Variants in NGLY1 observed in about 807,000 individuals in gnomAD.
NGLY1 encodes the protein peptide-N(4)-(N-acetyl-beta-glucosaminyl)asparagine amidase.
A neutral mutation model predicts 84.6 loss-of-function variants in NGLY1; 68 were observed. That is an observed-to-expected ratio of 0.80 (90% confidence interval 0.66 to 0.98). The LOEUF is 0.98. Ranked by LOEUF, NGLY1 falls within the 50% of genes least tolerant of loss-of-function variation. NGLY1 has a pLI of 0.00. For missense variants in NGLY1, 779 were observed against 770.2 expected (o/e 1.01, Z -0.14); for synonymous variants, 280 against 275.2 (o/e 1.02, Z -0.17).
intron 10 of NGLY1, among the ~76,000 whole-genome samples, chr3:25,725,305 G>A (rs1201694238): frequency 6.6e-6 from 1 of 152,192 alleles, no homozygotes; most frequent in Non-Finnish European, 1.5e-5. Context: ...GTTCCTGGAG[G>A]GTGGCACACC....
At chr3:25,748,781 A>C (rs1268837187) in intron 4 of NGLY1, among the ~76,000 whole-genome samples, 1 of 152,220 alleles carries the variant, frequency 6.6e-6, no homozygotes. Flanking sequence ...TGTTAGATTC[A>C]CATTAAAATT....
chr3:25,785,521 CTT>C (rs35504148), upstream of NGLY1, among the ~76,000 whole-genome samples: 1 of 140,780 alleles, frequency 7.1e-6, no homozygotes, highest in Non-Finnish European at 1.6e-5. Flanking sequence ...TGCAACAGAA[CTT>C]TTTTTTTTTT....
At position 25,764,049 on chromosome 3, in the gene NGLY1, T is replaced by G; in HGVS notation, c.492+17A>C. 1 of 1,612,438 alleles carries G rather than the reference T, an allele frequency of 6.2e-7. No homozygotes were observed. The highest frequency in any genetic ancestry group is 8.5e-7 in the Non-Finnish European group (1 of 1,178,860). On this transcript the variant is annotated intron_variant, in intron 3 of 11. Coordinates refer to ENST00000280700, the MANE Select transcript of NGLY1 (RefSeq NM_018297.4). ...CTTTGAAAGAAACAGTTAAAGAAGG[T>G]TTAATTCTAACATTACCGTTGAAGC...
intron 3 of NGLY1, 120 bp downstream of exon 3, chr3:25,763,946 T>A: frequency 2.3e-6 from 3 of 1,318,478 alleles, no homozygotes; most frequent in Non-Finnish European, 3.1e-6. Context: ...TTTAGAGTTA[T>A]AAGAACTAAG....
chr3:25,762,549 G>T (rs1488135369), intron 3 of NGLY1, among the ~76,000 whole-genome samples: 7 of 152,158 alleles, frequency 4.6e-5, no homozygotes, highest in African/African-American at 1.4e-4. Flanking sequence ...ACACTAGAAT[G>T]TGTTTTGCCA....
At chr3:25,736,448 G>A in intron 6 of NGLY1, 1 of 1,447,784 alleles carries the variant, frequency 6.9e-7, no homozygotes, top group South Asian at 1.3e-5. Context: ...ATATCATCCT[G>A]AGTTTACTAT....
chr3:25,789,218 A>C (rs1336970019), intron 1 of NGLY1, among the ~76,000 whole-genome samples: 1 of 152,116 alleles, frequency 6.6e-6, no homozygotes, highest in African/African-American at 2.4e-5. Flanking sequence ...TGAATTTTTC[A>C]CACTTAGAAA....
chr3:25,751,826 A>T (rs1174109286), intron 3 of NGLY1, among the ~76,000 whole-genome samples: 3 of 152,236 alleles, frequency 2.0e-5, no homozygotes, highest in African/African-American at 4.8e-5. Flanking sequence ...TGGACTCTGG[A>T]GGAACAGCTA....
At chr3:25,760,195 C>T (rs1306725349) in intron 3 of NGLY1, among the ~76,000 whole-genome samples, 5 of 152,074 alleles carry the variant, frequency 3.3e-5, no homozygotes, top group Non-Finnish European at 7.4e-5. Flanking sequence ...CCCATAATTT[C>T]ATCACTCAGA....
intron 1 of NGLY1, among the ~76,000 whole-genome samples, chr3:25,780,811 TCTCA>T (rs1449348335): frequency 6.7e-6 from 1 of 149,962 alleles, no homozygotes; most frequent in Non-Finnish European, 1.5e-5. Flanking sequence ...AGAGATGGGG[TCTCA>T]CTGTGTTGCC....
At chr3:25,722,396 T>G (rs981676199) in intron 10 of NGLY1, among the ~76,000 whole-genome samples, 3 of 152,022 alleles carry the variant, frequency 2.0e-5, no homozygotes, top group Admixed American at 6.6e-5. Context: ...GAATATCCTA[T>G]TATATGTACT....
At chr3:25,750,130 A>G (rs1033922745) in intron 4 of NGLY1, among the ~76,000 whole-genome samples, 8 of 152,162 alleles carry the variant, frequency 5.3e-5, no homozygotes, top group Non-Finnish European at 8.8e-5. Context: ...GCACCTTTTC[A>G]CAGGGCAGCA....
chr3:25,789,777 T>C, intron 1 of NGLY1: 2 of 1,401,586 alleles, frequency 1.4e-6, no homozygotes, highest in African/African-American at 1.4e-5. Flanking sequence ...TAGAATACGA[T>C]GGTGTCCCTT....
intron 3 of NGLY1, among the ~76,000 whole-genome samples, chr3:25,752,204 C>T (rs1036485382): frequency 3.3e-5 from 5 of 152,146 alleles, no homozygotes; most frequent in Middle Eastern, 3.4e-3. Context: ...AGATCTTGGA[C>T]GTAAAAATTT....
chr3:25,750,171 G>A (rs1022267958), intron 4 of NGLY1, among the ~76,000 whole-genome samples: 14 of 152,114 alleles, frequency 9.2e-5, no homozygotes, highest in Admixed American at 5.9e-4. Flanking sequence ...CAGGGGAAAC[G>A]CCAGATGCTT....
rs368273574 is a variant in NGLY1 at position 25,789,934 on chromosome 3, C to G, written c.-69G>C. ...TCCGAGAGGGGCGTCTCTGCTCACG[C>G]AAACAGCTACCCAGCCGCCTCCCAC... On this transcript the variant is annotated 5_prime_UTR_variant, in exon 1 of 12. Transcript: ENST00000417874. 2.6e-6 allele frequency: 4 copies of G among 1,541,484 alleles called. No individual in the cohort carries two copies. The South Asian group carries it at 3.6e-5, about 14-fold the overall frequency.
In NGLY1 at chr3:25,746,936, T is replaced by C. The variant is rs1293209695; in HGVS notation, c.658+4162A>G. Among the ~76,000 whole-genome samples, 4 of 152,186 alleles carry C rather than the reference T, an allele frequency of 2.6e-5. No homozygotes were observed. In the East Asian group the frequency reaches 7.7e-4, roughly 29 times the overall value. On this transcript the variant is annotated intron_variant, in intron 4 of 11. Transcript: ENST00000280700. ...CCTCCGCCTTCCGGTTTCAAGCGAT[T>C]CTCCTGCTTCAGACTCCCGAGTAGC...
At chr3:25,770,591 G>C (rs1707843260) in intron 2 of NGLY1, among the ~76,000 whole-genome samples, 1 of 152,162 alleles carries the variant, frequency 6.6e-6, no homozygotes, top group South Asian at 2.1e-4. Context: ...ATCCAGTACA[G>C]GAATTGCTAG....
chr3:25,758,724 T>C (rs1707164088), intron 3 of NGLY1, among the ~76,000 whole-genome samples: 1 of 152,128 alleles, frequency 6.6e-6, no homozygotes, highest in African/African-American at 2.4e-5. Context: ...ATTGACAATA[T>C]GTGCTGAAAA....
Sources: gnomAD v4.1 joint callset for allele counts (sites outside exome capture counted in the v4.1 genomes callset) on GRCh38, gnomAD v4.1.1 for gene constraint, MANE v1.5 for transcripts, NCBI Gene and HGNC (gene_info 2026-07-23, HGNC 2026-07-21) for gene names.